The following SPAG16 variants were observed in gnomAD, a reference collection of about 807,000 sequenced individuals.
SPAG16 encodes sperm associated antigen 16, also known as sperm-associated antigen 16 protein.
In SPAG16, 86 loss-of-function variants were observed where a neutral mutation model predicts 80.4. The ratio of observed to expected loss-of-function variants is 1.07; its 90% CI spans 0.90 to 1.28. SPAG16 has a LOEUF of 1.28. Among genes scored for constraint, SPAG16 ranks in the 50% most tolerant of loss-of-function variants. The probability of loss-of-function intolerance (pLI) is 0.00; values close to 1 mark genes in which losing one functional copy is unlikely to be tolerated. For missense variants in SPAG16, 870 were observed against 765.3 expected (o/e 1.14, Z -1.61); for synonymous variants, 294 against 265.9 (o/e 1.11, Z -1.03).
At chr2:213,714,650 C>T (rs1274605095) in intron 10 of SPAG16, among the ~76,000 whole-genome samples, 2 of 151,998 alleles carry the variant, frequency 1.3e-5, no homozygotes, top group East Asian at 3.9e-4. Context: ...CTACTATGTG[C>T]CAAACATGAT....
chr2:213,705,901 T>A (rs1159585659), intron 10 of SPAG16, among the ~76,000 whole-genome samples: 1 of 152,126 alleles, frequency 6.6e-6, no homozygotes, highest in Non-Finnish European at 1.5e-5. Flanking sequence ...CCATATGGGA[T>A]TTATGCAAAT....
At chr2:214,177,984 TATA>T (rs1421460642) in intron 15 of SPAG16, among the ~76,000 whole-genome samples, 23 of 27,396 alleles carry the variant, frequency 8.4e-4, no homozygotes, top group African/African-American at 1.7e-3. Context: ...TATATATATA[TATA>T]TATATATATA....
intron 15 of SPAG16, among the ~76,000 whole-genome samples, chr2:214,311,127 C>T (rs1389047318): frequency 7.6e-6 from 1 of 132,070 alleles, no homozygotes; most frequent in Non-Finnish European, 1.6e-5. Flanking sequence ...ACAGTGCCCC[C>T]TTTGGAGATC....
At chr2:213,709,272 G>T (rs552151673) in intron 10 of SPAG16, among the ~76,000 whole-genome samples, 1 of 152,222 alleles carries the variant, frequency 6.6e-6, no homozygotes, top group South Asian at 2.1e-4. Flanking sequence ...TTGAAATATG[G>T]ATGTAACAGG....
chr2:214,344,984 C>A (rs1697962671), intron 15 of SPAG16, among the ~76,000 whole-genome samples: 1 of 152,064 alleles, frequency 6.6e-6, no homozygotes, highest in Non-Finnish European at 1.5e-5. Context: ...TATTCATTGA[C>A]CCATTTATCA....
At chr2:213,320,518 T>G (rs527659226) in intron 5 of SPAG16, among the ~76,000 whole-genome samples, 28 of 152,070 alleles carry the variant, frequency 1.8e-4, no homozygotes, top group Non-Finnish European at 3.7e-4. Context: ...TATCTAACTG[T>G]TTGTATCCAT....
chr2:213,337,229 A>C lies in SPAG16; in HGVS notation c.537-2934A>C, dbSNP rs1314542657. On this transcript the variant is annotated intron_variant, in intron 5 of 15. Coordinates refer to ENST00000331683, the MANE Select transcript of SPAG16 (RefSeq NM_024532.5). ...AACCCATCCAAAGGTCAGCAACCTC[A>C]AAGATCAAAGGTAGATAAACTCATG... Among the ~76,000 whole-genome samples, 3 of 152,224 alleles carry C rather than the reference A, an allele frequency of 2.0e-5. No homozygotes were observed. The East Asian group carries it at 5.8e-4, about 29-fold the overall frequency.
intron 9 of SPAG16, among the ~76,000 whole-genome samples, chr2:213,455,779 G>A (rs2071969641): frequency 6.6e-6 from 1 of 152,158 alleles, no homozygotes; most frequent in South Asian, 2.1e-4. Flanking sequence ...ATGCTCCCCT[G>A]CCCATGGCTC....
intron 10 of SPAG16, among the ~76,000 whole-genome samples, chr2:213,549,596 T>G (rs1335596211): frequency 6.6e-6 from 1 of 152,164 alleles, no homozygotes; most frequent in Non-Finnish European, 1.5e-5. Flanking sequence ...TCATTTGTGT[T>G]AGTCCAACAT....
chr2:214,002,297 T>A (rs2046828486), intron 12 of SPAG16, among the ~76,000 whole-genome samples: 1 of 152,172 alleles, frequency 6.6e-6, no homozygotes, highest in African/African-American at 2.4e-5. Flanking sequence ...ACATTCATTC[T>A]TACTCTTCTG....
At chr2:213,987,934 T>A (rs1038791639) in intron 12 of SPAG16, among the ~76,000 whole-genome samples, 1 of 150,434 alleles carries the variant, frequency 6.6e-6, no homozygotes, top group African/African-American at 2.4e-5. Flanking sequence ...AAAATGTAAT[T>A]AGAGTGCGTT....
intron 15 of SPAG16, among the ~76,000 whole-genome samples, chr2:214,287,841 A>C (rs1693473555): frequency 6.6e-6 from 1 of 152,212 alleles, no homozygotes; most frequent in Non-Finnish European, 1.5e-5. Flanking sequence ...TATTTGTTAC[A>C]TATGTAGAAT....
chr2:214,347,162 T>C (rs1361004062), intron 15 of SPAG16, among the ~76,000 whole-genome samples: 2 of 152,174 alleles, frequency 1.3e-5, no homozygotes, highest in African/African-American at 4.8e-5. Context: ...CCTGGCTACG[T>C]AGCTGTGGAA....
intron 9 of SPAG16, among the ~76,000 whole-genome samples, chr2:213,464,513 T>C (rs2072569638): frequency 6.6e-6 from 1 of 152,176 alleles, no homozygotes; most frequent in South Asian, 2.1e-4. Flanking sequence ...AGTACTTCTA[T>C]CACCTCAGAG....
chr2:214,327,252 T>C (rs545716530), intron 15 of SPAG16, among the ~76,000 whole-genome samples: 17 of 152,272 alleles, frequency 1.1e-4, no homozygotes, highest in African/African-American at 4.1e-4. Flanking sequence ...TCCAATTGCA[T>C]GATAAAAAGA....
At chr2:214,048,454 C>A (rs966738070) in intron 13 of SPAG16, among the ~76,000 whole-genome samples, 1 of 151,970 alleles carries the variant, frequency 6.6e-6, no homozygotes, top group African/African-American at 2.4e-5. Context: ...GTATGCCAGG[C>A]ACACAAAGAC....
chr2:213,770,991 G>T (rs906050723), intron 10 of SPAG16, among the ~76,000 whole-genome samples: 1 of 152,132 alleles, frequency 6.6e-6, no homozygotes, highest in African/African-American at 2.4e-5. Context: ...TAATGGGATT[G>T]CTGGGTCAAA....
intron 10 of SPAG16, among the ~76,000 whole-genome samples, chr2:213,607,416 T>G (rs1267971036): frequency 6.6e-6 from 1 of 152,212 alleles, no homozygotes; most frequent in African/African-American, 2.4e-5. Context: ...AGATTAATAT[T>G]GGTAGATGCT....
chr2:213,304,765 G>T (rs2062873267), intron 3 of SPAG16, among the ~76,000 whole-genome samples: 1 of 152,078 alleles, frequency 6.6e-6, no homozygotes, highest in South Asian at 2.1e-4. Context: ...ATACTGTTTT[G>T]TTTACTATAG....
Sources: gnomAD v4.1 joint callset for allele counts (sites outside exome capture counted in the v4.1 genomes callset) on GRCh38, gnomAD v4.1.1 for gene constraint, MANE v1.5 for transcripts, NCBI Gene and HGNC (gene_info 2026-07-23, HGNC 2026-07-21) for gene names.